The following MYO16 variants were observed in gnomAD, a reference collection of about 807,000 sequenced individuals.
The protein encoded by MYO16 is unconventional myosin-XVI.
Under a neutral mutation model 205.3 loss-of-function variants are expected in MYO16, and 94 were observed. The ratio of observed to expected loss-of-function variants is 0.46; its 90% CI spans 0.39 to 0.54. The LOEUF (loss-of-function observed/expected upper bound fraction) is 0.54. MYO16 is among the 20% of genes least tolerant of loss of function. The pLI is 0.00. For synonymous variants in MYO16, 988 were observed against 954.0 expected, an observed-to-expected ratio of 1.04 and a Z score of -0.66; for missense variants, 2,315 against 2,387.5, an observed-to-expected ratio of 0.97 and a Z score of 0.63.
Position 109,100,771 on chromosome 13 carries a change from G to C in MYO16, c.3336-14G>C. On this transcript the variant is annotated splice_polypyrimidine_tract_variant and intron_variant, in intron 27 of 34. Coordinates refer to ENST00000457511, the MANE Select transcript of MYO16 (RefSeq NM_001198950.3). ...AATGCAGTCATTGCTTTCTGTCTCT[G>C]CTGCTTTTCACAGGTATAAGCCACT... is the stretch of plus-strand genomic sequence containing the variant. 1 of 1,592,592 alleles carries C rather than the reference G, an allele frequency of 6.3e-7. No homozygotes were observed. The highest frequency in any genetic ancestry group is 8.6e-7 in the Non-Finnish European group (1 of 1,161,626).
At chr13:109,005,703 A>G (rs1333195108) in intron 21 of MYO16, among the ~76,000 whole-genome samples, 1 of 151,990 alleles carries the variant, frequency 6.6e-6, no homozygotes, top group Non-Finnish European at 1.5e-5. Context: ...AGCTAGCTAC[A>G]CCTACGCACA....
the MYO16 span, among the ~76,000 whole-genome samples, chr13:108,518,062 A>G: frequency 6.6e-6 from 1 of 152,152 alleles, no homozygotes; most frequent in Non-Finnish European, 1.5e-5. Context: ...TTCTGGGGGG[A>G]CACCAACATT....
intron 34 of MYO16, among the ~76,000 whole-genome samples, chr13:109,189,696 A>G (rs1188219376): frequency 6.6e-6 from 1 of 152,162 alleles, no homozygotes; most frequent in Non-Finnish European, 1.5e-5. Flanking sequence ...GTGGGGAAAA[A>G]AAATCGTCTT....
chr13:108,884,557 G>T (rs1879767859), intron 13 of MYO16, among the ~76,000 whole-genome samples: 1 of 149,372 alleles, frequency 6.7e-6, no homozygotes, highest in South Asian at 2.2e-4. Context: ...CCCATTCTAG[G>T]CTCAAGGATG....
intron 2 of MYO16, among the ~76,000 whole-genome samples, chr13:108,669,872 A>G (rs1881907657): frequency 6.6e-6 from 1 of 152,128 alleles, no homozygotes; most frequent in African/African-American, 2.4e-5. Context: ...GAGTTGAACA[A>G]TGAGAACACA....
At chr13:108,535,274 G>GACAA in the MYO16 span, among the ~76,000 whole-genome samples, 3 of 152,106 alleles carry the variant, frequency 2.0e-5, no homozygotes, top group East Asian at 1.9e-4. Flanking sequence ...TGGATAATGT[G>GACAA]ACAAACAAAC....
intron 32 of MYO16, among the ~76,000 whole-genome samples, chr13:109,159,199 A>T (rs78718729): frequency 1.4e-4 from 21 of 152,362 alleles, no homozygotes; most frequent in African/African-American, 5.0e-4. Flanking sequence ...ACTCCATTGC[A>T]TAAAAGAAAA....
Position 108,898,086 on chromosome 13 carries a change from A to C in MYO16, c.1730A>C (p.Lys577Thr). The C allele has an allele frequency of 6.2e-7, 1 of 1,614,092 alleles. No homozygotes were observed. Among genetic ancestry groups the C allele is most frequent in the Non-Finnish European group, 8.5e-7 (1 of 1,179,954 alleles). ...TLNDLSSCFI[K>T]YFELQFCERK... ...AATGATTTGTCCAGTTGCTTCATCA[A>C]GTATTTTGAACTGCAGTTCTGTGAG... Residue 577 changes from lysine (K) to threonine (T), a missense_variant, in exon 15 of 35, where the codon AAG becomes ACG. Lys to Thr is a moderately conservative substitution (Grantham distance 78, BLOSUM62 -1). Transcript: ENST00000457511.
the MYO16 span, among the ~76,000 whole-genome samples, chr13:108,580,490 T>C: frequency 6.6e-6 from 1 of 152,338 alleles, no homozygotes; most frequent in East Asian, 1.9e-4. Flanking sequence ...CAACTCTCTC[T>C]TTTTGCGCTC....
At chr13:108,736,227 T>C (rs1442122301) in intron 4 of MYO16, among the ~76,000 whole-genome samples, 1 of 152,232 alleles carries the variant, frequency 6.6e-6, no homozygotes, top group Non-Finnish European at 1.5e-5. Context: ...CCCATGCCTA[T>C]GTCCTGAATG....
chr13:109,074,045 A>T (rs1225199553), intron 27 of MYO16, among the ~76,000 whole-genome samples: 1 of 115,202 alleles, frequency 8.7e-6, no homozygotes, highest in Non-Finnish European at 2.0e-5. Flanking sequence ...GTCATCCAGG[A>T]CAGATTTTTT....
At chr13:108,766,934 G>C (rs1185679598) in intron 4 of MYO16, among the ~76,000 whole-genome samples, 1 of 152,216 alleles carries the variant, frequency 6.6e-6, no homozygotes, top group Non-Finnish European at 1.5e-5. Flanking sequence ...TTCTGGGTGA[G>C]TAGCTGGGAT....
chr13:109,055,306 A>G lies in MYO16; in HGVS notation c.3130-84A>G, dbSNP rs1887380662. The G allele has an allele frequency of 3.3e-6, 4 of 1,197,010 alleles. No individual in the cohort carries two copies. The highest frequency in any genetic ancestry group is 5.0e-5 in the East Asian group (2 of 39,860). The allele number at this position is 1,197,010 out of a possible 1,614,324, so 74.1% of individuals were successfully genotyped here. On this transcript the variant is annotated intron_variant, in intron 26 of 34. Transcript: ENST00000457511. The surrounding 1 kb of genome is among the most constrained non-coding windows in gnomAD (Gnocchi z 5.0). Reference sequence around the variant, plus strand: ...AATGCATAATGAGATTTAAAGACGTAAAGACTTTTTATTTAAAAACTGCTT... The same window carrying G: ...AATGCATAATGAGATTTAAAGACGTGAAGACTTTTTATTTAAAAACTGCTT...
At position 109,125,564 on chromosome 13, in the gene MYO16, T is replaced by G. The variant is rs1876209776; in HGVS notation, c.3782+206T>G. Among the ~76,000 whole-genome samples, 1 of 152,230 alleles carries G rather than the reference T, an allele frequency of 6.6e-6. No homozygotes were observed. The highest frequency in any genetic ancestry group is 6.5e-5 in the Admixed American group (1 of 15,280). ...CTCACGAGTTCAAGGCTTTCTGTGT[T>G]CCTTCATTCATATGTGATGATGACT... On this transcript the variant is annotated intron_variant, in intron 30 of 34. Transcript: ENST00000457511. This position sits in a 1 kb window ranked among gnomAD's most constrained non-coding sequence, Gnocchi z 4.0.
intron 4 of MYO16, 111 bp downstream of exon 4, chr13:108,727,694 C>A: frequency 8.5e-7 from 1 of 1,172,608 alleles, no homozygotes; most frequent in Non-Finnish European, 1.2e-6. Flanking sequence ...GAAAAATCTG[C>A]ATATGTTATC....
intron 1 of MYO16, among the ~76,000 whole-genome samples, chr13:108,646,337 C>A (rs974911475): frequency 1.4e-4 from 21 of 152,232 alleles, no homozygotes; most frequent in African/African-American, 5.1e-4. Context: ...AACCACATAA[C>A]CCCATTTTAT....
chr13:109,040,358 G>GCACACACA (rs1178153837), intron 23 of MYO16, among the ~76,000 whole-genome samples: 8 of 77,140 alleles, frequency 1.0e-4, no homozygotes, highest in African/African-American at 3.5e-4. Flanking sequence ...ACAGACAGTA[G>GCACACACA]CATACACACA....
chr13:108,584,019 T>C, the MYO16 span, among the ~76,000 whole-genome samples: 1 of 152,210 alleles, frequency 6.6e-6, no homozygotes, highest in Admixed American at 6.5e-5. Flanking sequence ...AGTGGCACGA[T>C]CTTGGCTCAC....
intron 31 of MYO16, among the ~76,000 whole-genome samples, chr13:109,133,958 T>G (rs936178571): frequency 6.6e-6 from 1 of 152,200 alleles, no homozygotes; most frequent in Non-Finnish European, 1.5e-5. Flanking sequence ...TTAATTGTTA[T>G]GGAGTAGAAC....
Sources: gnomAD v4.1 joint callset for allele counts (sites outside exome capture counted in the v4.1 genomes callset) on GRCh38, gnomAD v4.1.1 for gene constraint, Gnocchi (gnomAD v3.1) non-coding constraint, MANE v1.5 for transcripts, NCBI Gene and HGNC (gene_info 2026-07-23, HGNC 2026-07-21) for gene names.